SHROOM4: variants seen among roughly 807,000 people sequenced by gnomAD.
SHROOM4 encodes protein Shroom4.
Under a neutral mutation model 80.3 loss-of-function variants are expected in SHROOM4, and 17 were observed. That is an observed-to-expected ratio of 0.21 (90% CI 0.14 to 0.32). The LOEUF (loss-of-function observed/expected upper bound fraction) is 0.32, where lower values mean the gene tolerates loss of function less well. SHROOM4 is among the 10% of genes least tolerant of loss of function. The pLI, the probability that SHROOM4 is intolerant of heterozygous loss-of-function variation, is 1.00. For missense variants in SHROOM4, 993 were observed against 1,140.3 expected, an observed-to-expected ratio of 0.87 and a Z score of 1.86; for synonymous variants, 400 against 437.5, an observed-to-expected ratio of 0.91 and a Z score of 1.07.
chrX:50,579,084 T>C, the SHROOM4 span, among the ~76,000 whole-genome samples: 1 of 111,885 alleles, frequency 8.9e-6, no homozygotes, highest in African/African-American at 3.2e-5. Flanking sequence ...ACTTGTAATG[T>C]TAAGAGAAAA....
chrX:50,795,302 A>T (rs1358098451), intron 1 of SHROOM4, among the ~76,000 whole-genome samples: 2 of 107,091 alleles, frequency 1.9e-5, no homozygotes. Flanking sequence ...ATTTAGAGCC[A>T]GATTTAGAAA....
At chrX:50,614,336 T>A (rs1930131577) in intron 5 of SHROOM4, among the ~76,000 whole-genome samples, 1 of 111,945 alleles carries the variant, frequency 8.9e-6, no homozygotes, top group African/African-American at 3.2e-5. Context: ...CACCATAAAG[T>A]CTAAAGGTGA....
chrX:50,754,135 C>T (rs1206367907), intron 1 of SHROOM4, among the ~76,000 whole-genome samples: 1 of 112,001 alleles, frequency 8.9e-6, no homozygotes, highest in Non-Finnish European at 1.9e-5. Context: ...CAGGTAACAT[C>T]ATTTTTCTTT....
intron 1 of SHROOM4, among the ~76,000 whole-genome samples, chrX:50,733,135 C>G (rs1444236964): frequency 8.9e-6 from 1 of 111,864 alleles, no homozygotes; most frequent in African/African-American, 3.3e-5. Flanking sequence ...TGTAATACAT[C>G]ATATCAATAG....
intron 6 of SHROOM4, among the ~76,000 whole-genome samples, chrX:50,603,038 T>A (rs1388637599): frequency 8.9e-6 from 1 of 112,002 alleles, no homozygotes; most frequent in Non-Finnish European, 1.9e-5. Flanking sequence ...CCTGACTTCA[T>A]CGGCTAGGGA....
chrX:50,795,075 G>C (rs1287841529), intron 1 of SHROOM4, among the ~76,000 whole-genome samples: 17 of 22,125 alleles, frequency 7.7e-4, no homozygotes, highest in South Asian at 2.2e-3. Context: ...ATATATATAT[G>C]ATATATATAT....
chrX:50,662,740 G>T (rs1330908504), intron 2 of SHROOM4, among the ~76,000 whole-genome samples: 1 of 111,656 alleles, frequency 9.0e-6, no homozygotes, highest in African/African-American at 3.3e-5. Flanking sequence ...TATGTGATTT[G>T]ACACCAGTTC....
At chrX:50,580,748 C>T in the SHROOM4 span, among the ~76,000 whole-genome samples, 1 of 111,433 alleles carries the variant, frequency 9.0e-6, no homozygotes, top group Admixed American at 9.6e-5. Context: ...ATGATTATGC[C>T]ACTGTACTCC....
chrX:50,756,724 C>T (rs1557268414), intron 1 of SHROOM4, among the ~76,000 whole-genome samples: 1 of 111,776 alleles, frequency 8.9e-6, no homozygotes, highest in African/African-American at 3.3e-5. Context: ...TTTTGATTTT[C>T]ATTTTCCTAA....
intron 1 of SHROOM4, among the ~76,000 whole-genome samples, chrX:50,697,750 T>C (rs1557263190): frequency 8.9e-6 from 1 of 111,757 alleles, no homozygotes. Context: ...CTTATTTCCA[T>C]TGTCATTATC....
chrX:50,795,126 TG>T lies in SHROOM4; in HGVS notation c.117+18775del, dbSNP rs202158213. Reference sequence around the variant, plus strand: ...GATATATATATATGATATATATATATGATATATATATATATATATGATATAT... The same window carrying T: ...GATATATATATATGATATATATATATATATATATATATATATATGATATAT... On this transcript the variant is annotated intron_variant, in intron 1 of 8. Transcript: ENST00000376020. Among the ~76,000 whole-genome samples the T allele has an allele frequency of 5.4e-3, 18 of 3,332 alleles. 2 individuals carry two copies. Among genetic ancestry groups the T allele is most frequent in the African/African-American group, 7.8e-3 (18 of 2,306 alleles). The allele number at this position is 3,332 out of a possible 115,157, so 2.9% of individuals were successfully genotyped here. A position where few individuals can be genotyped will look rare whatever the true frequency, so the allele number is the denominator to read the frequency against.
At position 50,639,196 on chromosome X, in the gene SHROOM4, C is replaced by A. The variant is rs781993166; in HGVS notation, c.270-888G>T. ...TTCGCATGAGCAGTTGCCACCCTTG[C>A]GAGTGGGGAAGAGTAGTGTGGTGAA... On this transcript the variant is annotated intron_variant, in intron 2 of 8. Coordinates refer to ENST00000376020, the MANE Select transcript of SHROOM4 (RefSeq NM_020717.5). Among the ~76,000 whole-genome samples, 10 of 112,012 alleles carry A rather than the reference C, an allele frequency of 8.9e-5. No homozygotes were observed. The South Asian group carries it at 1.1e-3, about 13-fold the overall frequency.
intron 1 of SHROOM4, among the ~76,000 whole-genome samples, chrX:50,718,641 T>C (rs17249353): frequency 0.036 from 3,964 of 111,453 alleles, 82 homozygotes; most frequent in African/African-American, 0.072. Context: ...CAAAATGTCA[T>C]TGGGTTGGAA....
intron 2 of SHROOM4, among the ~76,000 whole-genome samples, chrX:50,692,786 A>G (rs1933255095): frequency 8.9e-6 from 1 of 111,948 alleles, no homozygotes; most frequent in South Asian, 3.8e-4. Context: ...AATAGAAGTC[A>G]GTGGGATCCT....
chrX:50,618,234 G>A (rs919755578), intron 5 of SHROOM4, among the ~76,000 whole-genome samples: 7 of 109,113 alleles, frequency 6.4e-5, no homozygotes, highest in African/African-American at 2.3e-4. Flanking sequence ...CTTCATTAAG[G>A]AAAAGGAACT....
rs1478035059 is a variant in SHROOM4, at chrX:50,595,159, G to A, written c.*1536C>T. ...GATTGGCCCCAGTTAGTGAGGAACA[G>A]GGAGCTAAGCTGGATAACAGGGCAG... On this transcript the variant is annotated 3_prime_UTR_variant, in exon 9 of 9. Coordinates refer to ENST00000376020, the MANE Select transcript of SHROOM4 (RefSeq NM_020717.5). The A allele has an allele frequency of 8.9e-6, 1 of 112,870 alleles. No individual in the cohort carries two copies. Among genetic ancestry groups the A allele is most frequent in the Non-Finnish European group, 1.9e-5 (1 of 53,481 alleles). 9.3% of individuals were successfully genotyped at this position (112,870 alleles called of 1,213,427 possible).
chrX:50,627,675 C>T lies in SHROOM4; in HGVS notation c.2896G>A (p.Glu966Lys), dbSNP rs1376210134. Residue 966 changes from glutamate to lysine, a missense_variant and splice_region_variant, in exon 5 of 9, where the codon GAA becomes AAA. Transcript: ENST00000376020. ...GGATTCCATTTGTCCCCAGGAAATT[C>T]CTGTAAAGAAAAATCCTGATAAGTT... ...TWKPRKLTVQ[E>K]FPGDKWNPIT... 8.3e-7 allele frequency: 1 copy of T among 1,204,838 alleles called. No homozygotes were observed. The highest frequency in any genetic ancestry group is 1.1e-6 in the Non-Finnish European group (1 of 890,774).
rs1381177089 is a variant in SHROOM4 at position 50,598,449 on chromosome X, A to T, written c.4029T>A (p.Ser1343=). 3 of 1,207,390 alleles carry T rather than the reference A, an allele frequency of 2.5e-6. No individual in the cohort carries two copies. The African/African-American group carries it at 5.2e-5, about 21-fold the overall frequency. ...TGGCCTCCACCTCCTCCCCAAGGGC[A>T]GAATTGGCATTGATGTCCTCTAGCA... The part of the protein sequence containing the change: ...RGLLEDINAN[S]ALGEEVEANL... Residue 1343 remains serine (S), a synonymous_variant, in exon 8 of 9, where the codon TCT becomes TCA. Coordinates refer to ENST00000376020, the MANE Select transcript of SHROOM4 (RefSeq NM_020717.5).
At chrX:50,625,883 T>G (rs1557252960) in intron 5 of SHROOM4, among the ~76,000 whole-genome samples, 2 of 112,363 alleles carry the variant, frequency 1.8e-5, no homozygotes. Flanking sequence ...GCTGGTCCAG[T>G]GCTTCACTAC....
Sources: gnomAD v4.1 joint callset for allele counts (sites outside exome capture counted in the v4.1 genomes callset) on GRCh38, gnomAD v4.1.1 for gene constraint, MANE v1.5 for transcripts, NCBI Gene and HGNC (gene_info 2026-07-23, HGNC 2026-07-21) for gene names.